PLEC: variants seen among roughly 807,000 people sequenced by gnomAD.
PLEC encodes the protein plectin.
Under a neutral mutation model 392.8 loss-of-function variants are expected in PLEC, and 216 were observed. The ratio of observed to expected loss-of-function variants is 0.55; its 90% CI spans 0.49 to 0.62. The LOEUF (loss-of-function observed/expected upper bound fraction) is 0.62, where lower values mean the gene tolerates loss of function less well. Ranked by LOEUF, PLEC falls within the 20% of genes least tolerant of loss-of-function variation. The pLI is 0.00. For missense variants in PLEC, 6,863 were observed against 6,563.4 expected (o/e 1.05, Z -1.58); for synonymous variants, 3,621 against 2,980.6 (o/e 1.21, Z -7.00).
Position 143,929,843 on chromosome 8 carries a change from G to GGAAC in PLEC, c.2740-15_2740-14insGTTC, listed in dbSNP as rs782149982. 1 of 1,599,792 alleles carries GGAAC rather than the reference G, an allele frequency of 6.3e-7. No individual in the cohort carries two copies. The highest frequency in any genetic ancestry group is 8.5e-7 in the Non-Finnish European group (1 of 1,178,680). On this transcript the variant is annotated splice_polypyrimidine_tract_variant and intron_variant, in intron 22 of 31. Coordinates refer to ENST00000345136, the MANE Select transcript of PLEC (RefSeq NM_201384.3). ...CAGGGTGCGGAACTGGGGGAAGCAC[G>GGAAC]TGGGGCTGAGTGCCGGGCGAGGCGG... is the stretch of plus-strand genomic sequence containing the variant.
At chr8:143,974,284 C>T (rs1833580192), upstream of PLEC, among the ~76,000 whole-genome samples, 1 of 152,222 alleles carries the variant, frequency 6.6e-6, no homozygotes, top group Admixed American at 6.5e-5. The surrounding 1 kb of genome is among the most constrained non-coding windows in gnomAD (Gnocchi z 5.9). Flanking sequence ...GGCCTCGGGA[C>T]CCCCCACACT....
At chr8:143,966,932 G>T (rs1833128378) in intron 1 of PLEC, among the ~76,000 whole-genome samples, 1 of 152,160 alleles carries the variant, frequency 6.6e-6, no homozygotes, top group African/African-American at 2.4e-5. Context: ...CGACAGAGAT[G>T]TTTAAAAAAA....
intron 1 of PLEC, among the ~76,000 whole-genome samples, chr8:143,966,309 G>A (rs900888607): frequency 5.3e-5 from 8 of 152,188 alleles, no homozygotes; most frequent in Admixed American, 1.3e-4. Flanking sequence ...GCTCTGGCCC[G>A]AGGCCTGCCC....
chr8:143,943,799 C>T (rs367793437), upstream of PLEC: 14 of 1,611,974 alleles, frequency 8.7e-6, no homozygotes, highest in South Asian at 3.3e-5. Flanking sequence ...CTGCGCCCAC[C>T]GACGTCCCCT....
rs201558085 is a variant in PLEC at position 143,923,302 on chromosome 8, C to T, written c.6627G>A (p.Leu2209=). 2.2e-5 allele frequency: 36 copies of T among 1,609,210 alleles called. No individual in the cohort carries two copies. In the Middle Eastern group the frequency reaches 4.9e-4, roughly 22 times the overall value. ...CCGTGGCCTCCGCCTTCAGCCGCTG[C>T]AGCTCCTCGTCCAGCAGGTTCTTCT... The part of the protein sequence containing the change: ...DHQKNLLDEE[L]QRLKAEATEA... Residue 2209 remains leucine (L), a synonymous_variant, in exon 31 of 32, where the codon CTG becomes CTA. Transcript: ENST00000345136.
chr8:143,950,570 A>T, exon 1 of PLEC: 1 of 1,608,608 alleles, frequency 6.2e-7, no homozygotes. Context: ...CATGACCTGC[A>T]GGTTGGTGAC....
At chr8:143,949,860 A>G (rs575545259) in intron 1 of PLEC, among the ~76,000 whole-genome samples, 3 of 152,308 alleles carry the variant, frequency 2.0e-5, no homozygotes, top group African/African-American at 7.2e-5. Context: ...AAGACAGGTC[A>G]CTGGGACAGG....
chr8:143,948,870 G>A (rs577538959), intron 1 of PLEC, among the ~76,000 whole-genome samples: 12 of 152,352 alleles, frequency 7.9e-5, no homozygotes, highest in Admixed American at 2.0e-4. Context: ...CAGGGGTGCC[G>A]GGTGGGAGAG....
rs782078849 is a variant in PLEC, at chr8:143,921,920, T to C, written c.7901A>G (p.Asp2634Gly). ...KTLPNGRDAL[D>G]GPAAEAEPEH... ...CGGCTCTGCCTCTGCCGCGGGGCCA[T>C]CAAGTGCATCCCGGCCATTGGGCAG... Residue 2634 changes from aspartate (D) to glycine (G), a missense_variant, in exon 32 of 32, where the codon GAT becomes GGT. Asp to Gly is a moderately conservative substitution (Grantham distance 94). Transcript: ENST00000345136. The C allele has an allele frequency of 6.3e-7, 1 of 1,599,634 alleles. No homozygotes were observed. The highest frequency in any genetic ancestry group is 1.1e-5 in the South Asian group (1 of 91,052).
In PLEC at chr8:143,920,850, C is replaced by A. The variant is rs1443630333; in HGVS notation, c.8971G>T (p.Val2991Phe). The A allele has an allele frequency of 6.2e-7, 1 of 1,609,768 alleles. No homozygotes were observed. The highest frequency in any genetic ancestry group is 1.7e-5 in the Admixed American group (1 of 60,010). Reference sequence around the variant, plus strand: ...TGCTGGTAGAGCTCGCGGTCGATGACCCTGCTCTCCAGCAGCTCGGCGGCT... The same window carrying A: ...TGCTGGTAGAGCTCGCGGTCGATGAACCTGCTCTCCAGCAGCTCGGCGGCT... ...VPAAELLESR[V>F]IDRELYQQLQ... The change falls in exon 32 of 32, where the codon GTC (valine) becomes TTC (phenylalanine). Residue 2991 changes from valine (V) to phenylalanine (F), a missense_variant. Val to Phe is a conservative substitution (Grantham distance 50). Transcript: ENST00000345136.
rs560626826 is a variant in PLEC at position 143,935,772 on chromosome 8, C to T, written c.602+76G>A. 100 of 1,514,138 alleles carry T rather than the reference C, an allele frequency of 6.6e-5. No homozygotes were observed. The South Asian group carries it at 8.2e-4, about 12-fold the overall frequency. The allele number at this position is 1,514,138 out of a possible 1,614,324, so 93.8% of individuals were successfully genotyped here. A position where few individuals can be genotyped will look rare whatever the true frequency, so the allele number is the denominator to read the frequency against. Reference sequence around the variant, plus strand: ...CCTCCTGCCCTCCTCCCTGCCCCAACGTGTCTGAAGTTGCCTAGTGGAGGC... The same window carrying T: ...CCTCCTGCCCTCCTCCCTGCCCCAATGTGTCTGAAGTTGCCTAGTGGAGGC... On this transcript the variant is annotated intron_variant, in intron 6 of 31. Transcript: ENST00000345136.
intron 1 of PLEC, among the ~76,000 whole-genome samples, chr8:143,962,016 C>T (rs1246688796): frequency 6.6e-6 from 1 of 152,146 alleles, no homozygotes; most frequent in Admixed American, 6.6e-5. Flanking sequence ...GACTATGGAA[C>T]AAAAATGTGT....
upstream of PLEC, among the ~76,000 whole-genome samples, chr8:143,940,734 T>G (rs1163698586): frequency 6.6e-6 from 1 of 152,154 alleles, no homozygotes; most frequent in Non-Finnish European, 1.5e-5. Flanking sequence ...ACCTCATTCC[T>G]ACTGCCCCTG....
At position 143,932,446 on chromosome 8, in the gene PLEC, C is replaced by T. The variant is rs1554716945; in HGVS notation, c.1931G>A (p.Trp644Ter). 2 of 1,612,850 alleles carry T rather than the reference C, an allele frequency of 1.2e-6. No homozygotes were observed. Among genetic ancestry groups the T allele is most frequent in the African/African-American group, 1.3e-5 (1 of 75,038 alleles). ...GGTCATGTTGGTGTTGCGGTCGCTC[C>T]AGTCGAAGCCCACCTCCTCCTCCTC... is the stretch of plus-strand genomic sequence containing the variant. The part of the protein sequence containing the change: ...EKEEEEVGFD[W>*]SDRNTNMTAK... Residue 644 changes from tryptophan to a stop codon, truncating the protein, a stop_gained, in exon 16 of 32, where the codon TGG becomes TAG. Transcript: ENST00000345136. LOFTEE classifies it high-confidence loss of function.
At position 143,919,756 on chromosome 8, in the gene PLEC, G is replaced by T. The variant is rs782290282; in HGVS notation, c.10065C>A (p.Gly3355=). The part of the protein sequence containing the change: ...GSVRTLLQGS[G]CLAGIYLEDT... ...CCTCCAGGTAGATGCCGGCGAGGCAGCCACTGCCCTGCAGCAGCGTCCGCA... is the reference window on the plus strand; with the variant it reads ...CCTCCAGGTAGATGCCGGCGAGGCATCCACTGCCCTGCAGCAGCGTCCGCA... The change falls in exon 32 of 32, where the codon GGC becomes GGA. Residue 3355 remains glycine (G), a synonymous_variant. Coordinates refer to ENST00000345136, the MANE Select transcript of PLEC (RefSeq NM_201384.3). 1.2e-6 allele frequency: 2 copies of T among 1,609,570 alleles called. No individual in the cohort carries two copies. Among genetic ancestry groups the T allele is most frequent in the Admixed American group, 3.3e-5 (2 of 59,950 alleles).
chr8:143,917,736 T>A lies in PLEC; in HGVS notation c.12085A>T (p.Met4029Leu). The stretch of plus-strand genomic sequence containing the variant: ...TCCTTCAGGATCAGGCCCTTCTTCA[T>A]GGCCTGGAAGAGGGAGATGAGCTTC... ...SGKLISLFQA[M>L]KKGLILKDHG... Residue 4029 changes from methionine (M) to leucine (L), a missense_variant, in exon 32 of 32, where the codon ATG becomes TTG. Met to Leu is a conservative substitution (Grantham distance 15). Transcript: ENST00000345136. The A allele has an allele frequency of 6.2e-7, 1 of 1,613,638 alleles. No individual in the cohort carries two copies. The highest frequency in any genetic ancestry group is 8.5e-7 in the Non-Finnish European group (1 of 1,180,014).
At chr8:143,936,858 G>A (rs540952109) in intron 5 of PLEC, 121 bp downstream of exon 5, 10 of 771,788 alleles carry the variant, frequency 1.3e-5, no homozygotes, top group African/African-American at 6.8e-5. Context: ...CCATACCTAC[G>A]GCGCCAGTCA....
rs782465157 is a variant in PLEC, at chr8:143,918,194, G to A, written c.11627C>T (p.Pro3876Leu). ...RDDGTGQLLL[P>L]LSDARKLTFR... ...GGTCAGCTTGCGGGCGTCCGACAGT[G>A]GCAGGAGCAGCTGGCCGGTGCCGTC... Residue 3876 changes from proline to leucine, a missense_variant, in exon 32 of 32, where the codon CCA becomes CTA. Physicochemically the swap from Pro to Leu is moderately conservative, Grantham distance 98. Transcript: ENST00000345136. 7.2e-5 allele frequency: 114 copies of A among 1,588,298 alleles called. No individual in the cohort carries two copies. Among genetic ancestry groups the A allele is most frequent in the East Asian group, 1.3e-4 (6 of 44,606 alleles).
At chr8:143,974,891 G>A (rs1390434473), upstream of PLEC, among the ~76,000 whole-genome samples, 2 of 152,196 alleles carry the variant, frequency 1.3e-5, no homozygotes, top group Non-Finnish European at 2.9e-5. The surrounding 1 kb of genome is among the most constrained non-coding windows in gnomAD (Gnocchi z 5.9). Flanking sequence ...GCCTGGTGGG[G>A]AACCCAAAAA....
Sources: allele counts gnomAD v4.1 joint callset (sites outside exome capture counted in the v4.1 genomes callset), GRCh38; gene constraint gnomAD v4.1.1; non-coding constraint Gnocchi (gnomAD v3.1); transcripts MANE v1.5; gene names NCBI Gene and HGNC (gene_info 2026-07-23, HGNC 2026-07-21).